The following PHF3 variants were observed in gnomAD, a reference collection of about 807,000 sequenced individuals.
PHF3 encodes PHD finger protein 3.
In PHF3, 41 loss-of-function variants were observed where a neutral mutation model predicts 178.4. The ratio of observed to expected loss-of-function variants is 0.23; its 90% CI spans 0.18 to 0.30. PHF3 has a LOEUF of 0.30. Ranked by LOEUF, PHF3 falls within the 10% of genes least tolerant of loss-of-function variation. PHF3 has a pLI of 1.00. For synonymous variants in PHF3, 842 were observed against 800.5 expected, an observed-to-expected ratio of 1.05 and a Z score of -0.88; for missense variants, 2,346 against 2,398.1, an observed-to-expected ratio of 0.98 and a Z score of 0.45.
chr6:63,655,053 CCTG>C (rs1456369528), intron 2 of PHF3, among the ~76,000 whole-genome samples: 1 of 151,680 alleles, frequency 6.6e-6, no homozygotes, highest in East Asian at 1.9e-4. Flanking sequence ...GCTGCCACGC[CCTG>C]CTAATTATTA....
rs371116514 is a variant in PHF3 at position 63,653,019 on chromosome 6, GT to G, written c.244+6238del. On this transcript the variant is annotated intron_variant, in intron 2 of 15. Coordinates refer to ENST00000262043, the MANE Select transcript of PHF3 (RefSeq NM_001370348.2). ...TTTTTGCTCAGGATTATGTTGGCTA[GT>G]TTTTTTTTTTTTTGTGGTTCTGTGT... is the stretch of plus-strand genomic sequence containing the variant. 4.8e-3 allele frequency among the ~76,000 whole-genome samples: 607 copies of G among 126,950 alleles called. 1 individual carries two copies. Among genetic ancestry groups the G allele is most frequent in the South Asian group, 5.8e-3 (23 of 3,980 alleles). 83.3% of individuals were successfully genotyped at this position (126,950 alleles called of 152,430 possible).
At chr6:63,676,610 G>T (rs149904322) in intron 2 of PHF3, among the ~76,000 whole-genome samples, 2 of 152,318 alleles carry the variant, frequency 1.3e-5, no homozygotes, top group East Asian at 3.9e-4. Context: ...GAATCAGCAG[G>T]GGGAGGAGAT....
At chr6:63,656,519 G>T (rs1455398407) in intron 2 of PHF3, among the ~76,000 whole-genome samples, 1 of 152,106 alleles carries the variant, frequency 6.6e-6, no homozygotes, top group Non-Finnish European at 1.5e-5. Context: ...TGTTACAAGA[G>T]ACTTCTTTTT....
intron 2 of PHF3, among the ~76,000 whole-genome samples, chr6:63,675,743 CT>C (rs1268676065): frequency 1.3e-5 from 2 of 152,180 alleles, no homozygotes; most frequent in Non-Finnish European, 2.9e-5. Flanking sequence ...CAAGTCATCA[CT>C]TACCTTCCAA....
intron 6 of PHF3, among the ~76,000 whole-genome samples, chr6:63,697,953 A>C (rs113676061): frequency 3.7e-4 from 57 of 152,314 alleles, no homozygotes; most frequent in Middle Eastern, 6.8e-3. Flanking sequence ...AATTTCTGAA[A>C]ACTTTTTAAA....
At chr6:63,651,164 G>A (rs1457722331) in intron 2 of PHF3, among the ~76,000 whole-genome samples, 1 of 152,008 alleles carries the variant, frequency 6.6e-6, no homozygotes, top group Non-Finnish European at 1.5e-5. Context: ...TTTTATGCAT[G>A]TGTACAATAC....
At position 63,685,740 on chromosome 6, in the gene PHF3, G is replaced by T; in HGVS notation, c.2018G>T (p.Arg673Leu). Reference protein sequence around the residue: ...LKKPEKNLQPRQRRSSKSFSL... With the variant: ...LKKPEKNLQPLQRRSSKSFSL... ...AAACCTGAGAAGAACCTACAACCCC[G>T]CCAAAGAAGAAGCAGCAAAAGTTTT... Residue 673 changes from arginine (R) to leucine (L), a missense_variant, in exon 4 of 16, where the codon CGC becomes CTC. Coordinates refer to ENST00000262043, the MANE Select transcript of PHF3 (RefSeq NM_001370348.2). 1 of 1,613,976 alleles carries T rather than the reference G, an allele frequency of 6.2e-7. No homozygotes were observed.
At chr6:63,680,280 G>A in intron 3 of PHF3, 119 bp downstream of exon 3, 1 of 848,018 alleles carries the variant, frequency 1.2e-6, no homozygotes, top group East Asian at 2.6e-5. Flanking sequence ...CATTCGTTTT[G>A]ATGGCAATCA....
At chr6:63,686,223 G>T in intron 4 of PHF3, 1 of 284,048 alleles carries the variant, frequency 3.5e-6, no homozygotes, top group Non-Finnish European at 6.5e-6. Flanking sequence ...AACACTTCCT[G>T]GTAATTGGAA....
At chr6:63,687,111 G>GT (rs929686716) in intron 4 of PHF3, among the ~76,000 whole-genome samples, 12 of 152,194 alleles carry the variant, frequency 7.9e-5, no homozygotes, top group Middle Eastern at 3.4e-3. Context: ...TAATTATATG[G>GT]TTTTTTTATT....
At chr6:63,683,102 T>C (rs2149581205) in intron 3 of PHF3, among the ~76,000 whole-genome samples, 1 of 152,150 alleles carries the variant, frequency 6.6e-6, no homozygotes, top group South Asian at 2.1e-4. Context: ...TCAGATACTT[T>C]GTTGTGTCCT....
intron 2 of PHF3, among the ~76,000 whole-genome samples, chr6:63,670,373 A>G (rs1339399222): frequency 6.6e-6 from 1 of 152,092 alleles, no homozygotes; most frequent in South Asian, 2.1e-4. Context: ...GGTTCACGCC[A>G]TTGTCCTGCC....
rs921366353 is a variant in PHF3 at position 63,718,666 on chromosome 6, A to G, written c.*4958A>G. Among the ~76,000 whole-genome samples, 1 of 151,932 alleles carries G rather than the reference A, an allele frequency of 6.6e-6. No homozygotes were observed. Among genetic ancestry groups the G allele is most frequent in the Non-Finnish European group, 1.5e-5 (1 of 67,922 alleles). On this transcript the variant is annotated 3_prime_UTR_variant, in exon 16 of 16. Coordinates refer to ENST00000262043, the MANE Select transcript of PHF3 (RefSeq NM_001370348.2). ...GCTATATGTGCATTTGTTTTTGGGA[A>G]AGGGAGGACTCTGGATTCCTTGAAA...
intron 1 of PHF3, among the ~76,000 whole-genome samples, chr6:63,639,556 T>G (rs1764486758): frequency 6.6e-6 from 1 of 152,174 alleles, no homozygotes; most frequent in Non-Finnish European, 1.5e-5. Flanking sequence ...ATTAAAAGCA[T>G]AAAAATTAAT....
chr6:63,666,566 C>G (rs1001368275), intron 2 of PHF3, among the ~76,000 whole-genome samples: 11 of 151,786 alleles, frequency 7.2e-5, no homozygotes, highest in Non-Finnish European at 1.2e-4. Context: ...ATGTTCAAGT[C>G]TCTGGTATAA....
intron 3 of PHF3, among the ~76,000 whole-genome samples, chr6:63,680,874 C>G (rs901787377): frequency 2.0e-5 from 3 of 152,030 alleles, no homozygotes; most frequent in African/African-American, 7.2e-5. Context: ...CAAAGCTGTT[C>G]AGGGATCTCC....
At chr6:63,662,642 C>T (rs1236405333) in intron 2 of PHF3, among the ~76,000 whole-genome samples, 1 of 152,164 alleles carries the variant, frequency 6.6e-6, no homozygotes, top group Admixed American at 6.5e-5. Context: ...TCTGCCATCT[C>T]TTCCTCCCTA....
At chr6:63,694,126 T>C (rs1486142286) in intron 5 of PHF3, among the ~76,000 whole-genome samples, 1 of 152,230 alleles carries the variant, frequency 6.6e-6, no homozygotes, top group Non-Finnish European at 1.5e-5. Flanking sequence ...CCAGTTTTAC[T>C]GGTAATTCTT....
chr6:63,655,373 G>A (rs1340219041), intron 2 of PHF3, among the ~76,000 whole-genome samples: 4 of 151,960 alleles, frequency 2.6e-5, no homozygotes, highest in South Asian at 4.2e-4. Context: ...CACCATGCCC[G>A]GCCTGTTTTT....
Sources: allele counts gnomAD v4.1 joint callset (sites outside exome capture counted in the v4.1 genomes callset), GRCh38; gene constraint gnomAD v4.1.1; transcripts MANE v1.5; gene names NCBI Gene and HGNC (gene_info 2026-07-23, HGNC 2026-07-21).